The following HNF4A variants were observed in gnomAD, a reference collection of about 807,000 sequenced individuals.
HNF4A encodes the protein hepatocyte nuclear factor 4-alpha.
In HNF4A, 15 loss-of-function variants were observed where a neutral mutation model predicts 52.4. That is an observed-to-expected ratio of 0.29 (90% CI 0.19 to 0.44). The LOEUF (loss-of-function observed/expected upper bound fraction) is 0.44, where lower values mean the gene tolerates loss of function less well. HNF4A is among the 20% of genes least tolerant of loss of function. HNF4A has a pLI of 1.00. For missense variants in HNF4A, 479 were observed against 647.2 expected (o/e 0.74, Z 2.82); for synonymous variants, 280 against 264.4 (o/e 1.06, Z -0.57).
At chr20:44,404,714 CTT>C (rs2063460453) in intron 1 of HNF4A, among the ~76,000 whole-genome samples, 1 of 59,804 alleles carries the variant, frequency 1.7e-5, no homozygotes, top group African/African-American at 7.2e-5. Flanking sequence ...CGTGTGTGTG[CTT>C]ATGTGTGGAC....
chr20:44,391,307 A>T (rs538656821), intron 1 of HNF4A: 1 of 152,388 alleles, frequency 6.6e-6, no homozygotes. Context: ...CCACTATTCC[A>T]TCCAGGGGAC....
chr20:44,401,614 G>A (rs1239331658), intron 1 of HNF4A: 1 of 1,189,620 alleles, frequency 8.4e-7, no homozygotes, highest in African/African-American at 1.5e-5. Context: ...TGGTCCTACA[G>A]GCCAGCACAG....
chr20:44,416,238 T>C (rs1397633359), intron 5 of HNF4A, among the ~76,000 whole-genome samples: 1 of 152,202 alleles, frequency 6.6e-6, no homozygotes, highest in African/African-American at 2.4e-5. Context: ...GCTTGCCCAA[T>C]GCAGGTGGGG....
intron 8 of HNF4A, among the ~76,000 whole-genome samples, chr20:44,426,824 G>T (rs955016647): frequency 2.0e-5 from 3 of 152,038 alleles, no homozygotes; most frequent in South Asian, 4.2e-4. Flanking sequence ...ACAACAAAAG[G>T]ATGGGGTGAT....
At chr20:44,419,577 C>A in intron 6 of HNF4A, 144 bp from the exon 7 acceptor site, 3 of 797,140 alleles carry the variant, frequency 3.8e-6, no homozygotes, top group Non-Finnish European at 6.5e-6. Flanking sequence ...GCCTCAGCTT[C>A]CTTACCTGTG....
At chr20:44,419,645 A>C in intron 6 of HNF4A, 76 bp from the exon 7 acceptor site, 1 of 1,460,666 alleles carries the variant, frequency 6.8e-7, no homozygotes, top group Non-Finnish European at 9.5e-7. Flanking sequence ...TATCTTGCCA[A>C]CTTAAAAGCC....
At chr20:44,418,104 A>G (rs2063691496) in intron 5 of HNF4A, among the ~76,000 whole-genome samples, 1 of 152,100 alleles carries the variant, frequency 6.6e-6, no homozygotes, top group Admixed American at 6.5e-5. Context: ...GAGAATCTCA[A>G]AAAAGAAAAA....
At chr20:44,404,258 C>T (rs1330354988) in intron 1 of HNF4A, among the ~76,000 whole-genome samples, 1 of 152,174 alleles carries the variant, frequency 6.6e-6, no homozygotes, top group African/African-American at 2.4e-5. Context: ...GGGAATATCA[C>T]GTTCCCCATT....
intron 1 of HNF4A, among the ~76,000 whole-genome samples, chr20:44,389,025 G>A (rs1024536455): frequency 6.6e-6 from 1 of 152,212 alleles, no homozygotes; most frequent in African/African-American, 2.4e-5. Context: ...AGACTTAGCA[G>A]CCCCACTCCC....
chr20:44,428,424 A>G lies in HNF4A; in HGVS notation c.1219A>G (p.Thr407Ala), dbSNP rs772736726. Residue 407 changes from threonine (T) to alanine (A), a missense_variant, in exon 9 of 10, where the codon ACA becomes GCA. Thr to Ala is a moderately conservative substitution (Grantham distance 58). This residue lies in a region of HNF4A where 389 missense variants were observed against 525.1 expected (regional missense o/e 0.74). Coordinates refer to ENST00000316099, the MANE Select transcript of HNF4A (RefSeq NM_000457.6). The stretch of plus-strand genomic sequence containing the variant: ...GGGAACCAACGTCATCGTTGCCAAC[A>G]CAATGCCCACTCACCTCAGCAACGG... 7.4e-6 allele frequency: 12 copies of G among 1,614,016 alleles called. No homozygotes were observed. The highest frequency in any genetic ancestry group is 1.0e-5 in the Non-Finnish European group (12 of 1,180,022).
chr20:44,429,653 G>A lies in HNF4A; in HGVS notation c.1413G>A (p.Gln471=). ...TCCCCCAGCCGACCATCACCAAGCAGGAAGTTATCTAGCAAGCCGCTGGGG... is the reference window on the plus strand; with the variant it reads ...TCCCCCAGCCGACCATCACCAAGCAAGAAGTTATCTAGCAAGCCGCTGGGG... Residue 471 remains glutamine, a synonymous_variant, in exon 10 of 10, where the codon CAG becomes CAA. Coordinates refer to ENST00000316099, the MANE Select transcript of HNF4A (RefSeq NM_000457.6). 1 of 1,614,080 alleles carries A rather than the reference G, an allele frequency of 6.2e-7. No individual in the cohort carries two copies. Among genetic ancestry groups the A allele is most frequent in the Non-Finnish European group, 8.5e-7 (1 of 1,180,028 alleles).
intron 5 of HNF4A, among the ~76,000 whole-genome samples, chr20:44,417,104 A>C (rs550493334): frequency 6.6e-6 from 1 of 152,340 alleles, no homozygotes; most frequent in South Asian, 2.1e-4. Flanking sequence ...TTTAGTAGGC[A>C]TTTAGGATTT....
At chr20:44,395,787 G>C (rs551187390) in intron 1 of HNF4A, 4 of 152,402 alleles carry the variant, frequency 2.6e-5, no homozygotes, top group Admixed American at 6.5e-5. Context: ...ATGGCTCTTG[G>C]CTTCTTTCCT....
Position 44,413,709 on chromosome 20 carries a change from G to A in HNF4A, c.401G>A (p.Arg134Gln), listed in dbSNP as rs1085307913. Residue 134 changes from arginine (R) to glutamine (Q), a missense_variant, in exon 4 of 10, where the codon CGG becomes CAG. By Grantham distance (43) the Arg-to-Gln change is conservative (BLOSUM62 1). This residue lies in a region of HNF4A where 389 missense variants were observed against 525.1 expected (regional missense o/e 0.74). Coordinates refer to ENST00000316099, the MANE Select transcript of HNF4A (RefSeq NM_000457.6). Reference sequence around the variant, plus strand: ...CTCCTCACAGCCGTCCAGAATGAGCGGGACCGGATCAGCACTCGAAGGTCA... The same window carrying A: ...CTCCTCACAGCCGTCCAGAATGAGCAGGACCGGATCAGCACTCGAAGGTCA... 3.7e-6 allele frequency: 6 copies of A among 1,613,520 alleles called. No individual in the cohort carries two copies. Among genetic ancestry groups the A allele is most frequent in the Non-Finnish European group, 5.1e-6 (6 of 1,179,776 alleles).
At chr20:44,373,376 G>A (rs1352099369) in intron 1 of HNF4A, among the ~76,000 whole-genome samples, 1 of 152,116 alleles carries the variant, frequency 6.6e-6, no homozygotes, top group Non-Finnish European at 1.5e-5. Context: ...GTCTTACTGT[G>A]TTGCCCAGGC....
rs1179334192 is a variant in HNF4A at position 44,419,924 on chromosome 20, C to T, written c.892+48C>T. 5 of 1,575,382 alleles carry T rather than the reference C, an allele frequency of 3.2e-6. No individual in the cohort carries two copies. In the Admixed American group the frequency reaches 6.7e-5, roughly 21 times the overall value. ...CATCCCTGACTCTCTCTCCAGAACG[C>T]TCTGCCAGACTTCTCCTATTGGGTT... On this transcript the variant is annotated intron_variant, in intron 7 of 9. Transcript: ENST00000316099.
Position 44,406,064 on chromosome 20 carries a change from C to G in HNF4A, c.122C>G (p.Ser41Cys). 1.2e-6 allele frequency: 2 copies of G among 1,612,292 alleles called. No individual in the cohort carries two copies. The highest frequency in any genetic ancestry group is 2.7e-5 in the African/African-American group (2 of 75,006). Residue 41 changes from serine (S) to cysteine (C), a missense_variant, in exon 2 of 10, where the codon TCC (serine) becomes TGC (cysteine). By Grantham distance (112) the Ser-to-Cys change is moderately radical. Around this residue, in one of 3 missense-constraint regions of HNF4A, gnomAD observed 90 missense variants for 105.5 expected, o/e 0.85. Coordinates refer to ENST00000316099, the MANE Select transcript of HNF4A (RefSeq NM_000457.6). ...CCCTTCTCTCCTGGCGCAGACACGTCCCCATCAGAAGGCACCAACCTCAAC... is the reference window on the plus strand; with the variant it reads ...CCCTTCTCTCCTGGCGCAGACACGTGCCCATCAGAAGGCACCAACCTCAAC...
At chr20:44,356,244 T>C (rs558107179) in intron 1 of HNF4A, among the ~76,000 whole-genome samples, 95 of 152,300 alleles carry the variant, frequency 6.2e-4, no homozygotes, top group African/African-American at 2.2e-3. Flanking sequence ...GTCACGTTGC[T>C]GGTGCATTAT....
At chr20:44,418,683 G>A (rs779187999) in intron 6 of HNF4A, among the ~76,000 whole-genome samples, 171 bp downstream of exon 6, 19 of 152,174 alleles carry the variant, frequency 1.2e-4, no homozygotes, top group Non-Finnish European at 2.8e-4. Flanking sequence ...TTTCAACTGG[G>A]TACCCCACTC....
Sources: allele counts gnomAD v4.1 joint callset (sites outside exome capture counted in the v4.1 genomes callset), GRCh38; gene constraint gnomAD v4.1.1; regional missense constraint gnomAD v4.1.1; transcripts MANE v1.5; gene names NCBI Gene and HGNC (gene_info 2026-07-23, HGNC 2026-07-21).